Variants in ABCC4 observed in about 807,000 individuals in gnomAD.
ABCC4 encodes the protein ATP-binding cassette sub-family C member 4.
In ABCC4, 102 loss-of-function variants were observed where a neutral mutation model predicts 168.5. That is an observed-to-expected ratio of 0.61 (90% CI 0.52 to 0.71). ABCC4 has a LOEUF of 0.71. Among genes scored for constraint, ABCC4 ranks in the 30% least tolerant of loss-of-function variants. The pLI, the probability that ABCC4 is intolerant of heterozygous loss-of-function variation, is 0.00. For synonymous variants in ABCC4, 617 were observed against 590.7 expected (o/e 1.04, Z -0.65); for missense variants, 1,402 against 1,605.8 (o/e 0.87, Z 2.17).
At chr13:95,258,544 T>C (rs914614982) in intron 1 of ABCC4, among the ~76,000 whole-genome samples, 2 of 152,204 alleles carry the variant, frequency 1.3e-5, no homozygotes, top group Non-Finnish European at 2.9e-5. Flanking sequence ...ACAATCTATT[T>C]GTGTAGATAC....
At chr13:95,161,375 T>G in intron 18 of ABCC4, 40 bp from the exon 19 acceptor site, 1 of 1,455,684 alleles carries the variant, frequency 6.9e-7, no homozygotes, top group Non-Finnish European at 9.1e-7. Context: ...ACAGCATATC[T>G]CTGCATTTTC....
At chr13:95,107,496 G>A (rs1402493977) in intron 20 of ABCC4, among the ~76,000 whole-genome samples, 6 of 152,194 alleles carry the variant, frequency 3.9e-5, no homozygotes, top group African/African-American at 1.4e-4. Context: ...AAGTTTTAAT[G>A]TAAAGTTATT....
In ABCC4 at chr13:95,272,340, T is replaced by C. The variant is rs114853878; in HGVS notation, c.75-24587A>G. Among the ~76,000 whole-genome samples the C allele has an allele frequency of 9.9e-3, 1,499 of 152,106 alleles. 25 individuals are homozygous for C. Among genetic ancestry groups the C allele is most frequent in the African/African-American group, 0.034 (1,411 of 41,490 alleles). On this transcript the variant is annotated intron_variant, in intron 1 of 30. Transcript: ENST00000645237. The stretch of plus-strand genomic sequence containing the variant: ...CAGGTGTGAGCCAACACGCCAAGCC[T>C]CTTTGTGCACATAAAGTGTCTGTGG...
chr13:95,091,710 A>C (rs912245536), intron 20 of ABCC4, among the ~76,000 whole-genome samples: 1 of 152,176 alleles, frequency 6.6e-6, no homozygotes, highest in Non-Finnish European at 1.5e-5. Context: ...AGCATAAATC[A>C]TACAGGACCT....
At position 95,044,385 on chromosome 13, in the gene ABCC4, T is replaced by C; in HGVS notation, c.3510A>G (p.Leu1170=). The C allele has an allele frequency of 6.2e-7, 1 of 1,613,770 alleles. No homozygotes were observed. The highest frequency in any genetic ancestry group is 8.5e-7 in the Non-Finnish European group (1 of 1,179,834). ...EDLPGKMDTE[L]AESGSNFSVG... is the part of the protein sequence containing the mutation. ...CACTAAAATTGGATCCTGATTCTGC[T>C]AATTCAGTATCCATTTTACCAGGAA... The change falls in exon 28 of 31, where the codon TTA becomes TTG. Residue 1170 remains leucine, a synonymous_variant. Coordinates refer to ENST00000645237, the MANE Select transcript of ABCC4 (RefSeq NM_005845.5).
intron 20 of ABCC4, among the ~76,000 whole-genome samples, chr13:95,111,784 A>G (rs2035213242): frequency 6.6e-6 from 1 of 152,232 alleles, no homozygotes; most frequent in East Asian, 1.9e-4. Context: ...GGTCACATGT[A>G]AACCAGAATT....
chr13:95,290,990 CCT>C (rs1389553406), intron 1 of ABCC4, among the ~76,000 whole-genome samples: 1 of 320 alleles, frequency 3.1e-3, no homozygotes, highest in Non-Finnish European at 9.1e-3. Context: ...AGAGCAAGAC[CCT>C]GTCTCAAAAA....
intron 1 of ABCC4, among the ~76,000 whole-genome samples, chr13:95,276,278 G>A (rs1213931462): frequency 6.6e-6 from 1 of 151,908 alleles, no homozygotes; most frequent in Admixed American, 6.6e-5. Context: ...AGCTAGGCAT[G>A]GTGGAACACG....
At position 95,164,062 on chromosome 13, in the gene ABCC4, G is replaced by C. The variant is rs1019547065; in HGVS notation, c.2175+316C>G. On this transcript the variant is annotated intron_variant, in intron 16 of 30. Transcript: ENST00000645237. ...TCTCAAAAAAAAAAAAAAAAAGAAA[G>C]AAAGAAAGAAAGAAAGAATAAAAGG... Among the ~76,000 whole-genome samples, 334 of 117,040 alleles carry C rather than the reference G, an allele frequency of 2.9e-3. 5 individuals are homozygous for C. The highest frequency in any genetic ancestry group is 8.5e-3 in the African/African-American group (304 of 35,886). The allele number at this position is 117,040 out of a possible 152,430, so 76.8% of individuals were successfully genotyped here. A position where few individuals can be genotyped will look rare whatever the true frequency, so the allele number is the denominator to read the frequency against.
At chr13:95,063,699 G>C (rs2033388152) in intron 25 of ABCC4, among the ~76,000 whole-genome samples, 1 of 152,232 alleles carries the variant, frequency 6.6e-6, no homozygotes, top group African/African-American at 2.4e-5. Context: ...AGCCAAGACA[G>C]AGAGAAATGA....
intron 30 of ABCC4, among the ~76,000 whole-genome samples, chr13:95,025,223 CCACACACA>C (rs1366834664): frequency 2.2e-5 from 1 of 45,982 alleles, no homozygotes; most frequent in African/African-American, 9.5e-5. Context: ...CCACACACCC[CCACACACA>C]CCCATACACA....
intron 9 of ABCC4, among the ~76,000 whole-genome samples, chr13:95,189,981 T>C (rs1373905120): frequency 6.6e-6 from 1 of 151,994 alleles, no homozygotes; most frequent in Non-Finnish European, 1.5e-5. Context: ...GATTCAGGAG[T>C]ATATGCATGT....
intron 8 of ABCC4, among the ~76,000 whole-genome samples, chr13:95,200,684 G>A (rs2038599167): frequency 6.6e-6 from 1 of 152,150 alleles, no homozygotes; most frequent in African/African-American, 2.4e-5. Context: ...TCACGCCACT[G>A]CACTCCAGCT....
At chr13:95,202,725 T>TGCAACCTC (rs1459839944) in intron 8 of ABCC4, among the ~76,000 whole-genome samples, 1 of 142,860 alleles carries the variant, frequency 7.0e-6, no homozygotes, top group African/African-American at 2.6e-5. Context: ...CTCAGCTCAC[T>TGCAACCTC]GCAACCTCCA....
At chr13:95,049,388 T>TTA (rs2032730605) in intron 27 of ABCC4, among the ~76,000 whole-genome samples, 1 of 151,824 alleles carries the variant, frequency 6.6e-6, no homozygotes, top group African/African-American at 2.4e-5. Context: ...ACGCCTGTAA[T>TTA]CCCAGCACTT....
chr13:95,220,731 G>A lies in ABCC4; in HGVS notation c.532-9950C>T, dbSNP rs145989055. ...CAAGGTACCTCCTTCCCACTTTCTC[G>A]ACTCTATGATAAGCATATCAAATAA... On this transcript the variant is annotated intron_variant, in intron 4 of 30. Coordinates refer to ENST00000645237, the MANE Select transcript of ABCC4 (RefSeq NM_005845.5). 1.4e-3 allele frequency among the ~76,000 whole-genome samples: 212 copies of A among 152,234 alleles called. 1 individual carries two copies. Among genetic ancestry groups the A allele is most frequent in the African/African-American group, 4.7e-3 (196 of 41,550 alleles).
chr13:95,283,839 C>T (rs1180168225), intron 1 of ABCC4, among the ~76,000 whole-genome samples: 1 of 144,328 alleles, frequency 6.9e-6, no homozygotes, highest in African/African-American at 2.6e-5. Context: ...CAGAGGTTGC[C>T]GTGAGCCGAG....
intron 4 of ABCC4, among the ~76,000 whole-genome samples, chr13:95,232,132 T>C (rs1428845899): frequency 2.0e-5 from 3 of 150,704 alleles, no homozygotes; most frequent in African/African-American, 7.3e-5. Flanking sequence ...ATGATGATGG[T>C]GGTGGTGGTG....
chr13:95,218,014 G>A (rs192914640), intron 4 of ABCC4, among the ~76,000 whole-genome samples: 56 of 152,302 alleles, frequency 3.7e-4, no homozygotes, highest in Admixed American at 2.8e-3. Flanking sequence ...TTTGAGTGCT[G>A]TAAGTAAAGT....
Sources: allele counts gnomAD v4.1 joint callset (sites outside exome capture counted in the v4.1 genomes callset), GRCh38; gene constraint gnomAD v4.1.1; transcripts MANE v1.5; gene names NCBI Gene and HGNC (gene_info 2026-07-23, HGNC 2026-07-21).